SYNPR: variants seen among roughly 807,000 people sequenced by gnomAD.
SYNPR encodes synaptoporin.
In SYNPR, 23 loss-of-function variants were observed where a neutral mutation model predicts 32.9. The ratio of observed to expected loss-of-function variants is 0.70; its 90% confidence interval spans 0.50 to 0.99. The LOEUF (loss-of-function observed/expected upper bound fraction) is 0.99. Ranked by LOEUF, SYNPR falls within the 50% of genes least tolerant of loss-of-function variation. SYNPR has a pLI of 0.00. For missense variants in SYNPR, 318 were observed against 349.3 expected (o/e 0.91, Z 0.71); for synonymous variants, 146 against 135.9 (o/e 1.07, Z -0.52).
Position 63,298,326 on chromosome 3 carries a change from G to C in SYNPR, c.84+19584G>C, listed in dbSNP as rs1233053998. Among the ~76,000 whole-genome samples, 5 of 152,070 alleles carry C rather than the reference G, an allele frequency of 3.3e-5. No homozygotes were observed. The East Asian group carries it at 9.7e-4, about 29-fold the overall frequency. On this transcript the variant is annotated intron_variant, in intron 2 of 5. Coordinates refer to ENST00000478300, the MANE Select transcript of SYNPR (RefSeq NM_001130003.2). ...CATCTCTCCTTCAAATGAAATTTTC[G>C]AGATTGCCAAGTGATCTAGTTATAT...
At chr3:63,266,727 A>C (rs1452422309) in intron 2 of SYNPR, among the ~76,000 whole-genome samples, 1 of 144,474 alleles carries the variant, frequency 6.9e-6, no homozygotes, top group Non-Finnish European at 1.5e-5. Context: ...AACACAAAAA[A>C]CCACAAAAAT....
intron 2 of SYNPR, among the ~76,000 whole-genome samples, chr3:63,445,272 C>A (rs1345756991): frequency 1.3e-5 from 2 of 152,154 alleles, no homozygotes; most frequent in Non-Finnish European, 2.9e-5. Context: ...TTCCTCCAGT[C>A]TGTTAGTTTA....
chr3:63,357,956 A>T (rs1188900943), intron 2 of SYNPR, among the ~76,000 whole-genome samples: 1 of 152,218 alleles, frequency 6.6e-6, no homozygotes, highest in Non-Finnish European at 1.5e-5. Context: ...AAAAAGTTGT[A>T]CTAAAGAAAA....
intron 2 of SYNPR, among the ~76,000 whole-genome samples, chr3:63,321,399 T>C (rs1214998856): frequency 6.6e-6 from 1 of 152,006 alleles, no homozygotes; most frequent in African/African-American, 2.4e-5. Context: ...ATTGTGAGGG[T>C]CAAATATTCC....
intron 3 of SYNPR, among the ~76,000 whole-genome samples, chr3:63,498,783 AT>A (rs1201755415): frequency 1.3e-5 from 2 of 151,752 alleles, no homozygotes; most frequent in African/African-American, 4.8e-5. Context: ...AGGCGTGTGA[AT>A]TTTTTTCTAG....
the SYNPR span, among the ~76,000 whole-genome samples, chr3:63,220,720 C>T: frequency 2.0e-5 from 3 of 152,276 alleles, no homozygotes; most frequent in Non-Finnish European, 4.4e-5. Flanking sequence ...TTGCATTCCT[C>T]TCAGAGACAC....
intron 3 of SYNPR, among the ~76,000 whole-genome samples, chr3:63,268,701 T>C (rs59429307): frequency 6.5e-4 from 24 of 36,676 alleles, no homozygotes; most frequent in African/African-American, 4.1e-3. Flanking sequence ...TCTTGCTGTC[T>C]CAGGGGTGGT....
At chr3:63,555,098 T>A (rs1213936595) in intron 3 of SYNPR, among the ~76,000 whole-genome samples, 1 of 152,042 alleles carries the variant, frequency 6.6e-6, no homozygotes, top group Non-Finnish European at 1.5e-5. Context: ...TTATCAGTTT[T>A]AGTAGGCTTT....
At chr3:63,289,933 A>G (rs1034794346) in intron 2 of SYNPR, among the ~76,000 whole-genome samples, 1 of 151,978 alleles carries the variant, frequency 6.6e-6, no homozygotes, top group Non-Finnish European at 1.5e-5. Flanking sequence ...GATCGAGACC[A>G]TCCTGGCTAA....
At chr3:63,223,779 C>A (rs905641462), upstream of SYNPR, among the ~76,000 whole-genome samples, 1 of 152,216 alleles carries the variant, frequency 6.6e-6, no homozygotes, top group African/African-American at 2.4e-5. Flanking sequence ...CTCACTATGT[C>A]ATTTAACTTT....
At chr3:63,379,775 T>C (rs1320933161) in intron 2 of SYNPR, among the ~76,000 whole-genome samples, 1 of 152,138 alleles carries the variant, frequency 6.6e-6, no homozygotes, top group Non-Finnish European at 1.5e-5. Flanking sequence ...GCCATGTTGG[T>C]GTGCTGCACC....
chr3:63,231,091 C>A (rs1310403650), intron 1 of SYNPR, among the ~76,000 whole-genome samples: 2 of 152,096 alleles, frequency 1.3e-5, no homozygotes, highest in Non-Finnish European at 2.9e-5. Flanking sequence ...GATATGGAAC[C>A]AACCTAAGTG....
chr3:63,365,403 C>T (rs1440926428), intron 2 of SYNPR, among the ~76,000 whole-genome samples: 2 of 152,102 alleles, frequency 1.3e-5, no homozygotes, highest in African/African-American at 4.8e-5. Context: ...TTCAGCACTC[C>T]CACTCCAAAG....
chr3:63,339,527 T>C (rs1016288035), intron 2 of SYNPR, among the ~76,000 whole-genome samples: 1 of 152,202 alleles, frequency 6.6e-6, no homozygotes, highest in Non-Finnish European at 1.5e-5. Context: ...CTTTTTCAGA[T>C]TTCTCCAATT....
chr3:63,226,668 G>A (rs1575569674), upstream of SYNPR, among the ~76,000 whole-genome samples: 2 of 152,188 alleles, frequency 1.3e-5, no homozygotes, highest in East Asian at 3.8e-4. Context: ...CATGGAGACA[G>A]AGAATAGAAT....
At chr3:63,569,657 A>G (rs962086343) in intron 4 of SYNPR, among the ~76,000 whole-genome samples, 8 of 152,262 alleles carry the variant, frequency 5.3e-5, no homozygotes, top group Non-Finnish European at 1.0e-4. Flanking sequence ...GAATTTGCAT[A>G]GCCACGCAAG....
At chr3:63,333,962 G>A (rs2087257921) in intron 2 of SYNPR, among the ~76,000 whole-genome samples, 1 of 152,160 alleles carries the variant, frequency 6.6e-6, no homozygotes, top group African/African-American at 2.4e-5. Context: ...TGAAAAGATG[G>A]TCTATAGTAA....
At chr3:63,333,477 A>C (rs1344969727) in intron 2 of SYNPR, among the ~76,000 whole-genome samples, 1 of 152,246 alleles carries the variant, frequency 6.6e-6, no homozygotes, top group East Asian at 1.9e-4. Context: ...AGTGCAGTGA[A>C]GTGATCACAG....
chr3:63,561,011 T>G (rs1702679520), intron 4 of SYNPR, among the ~76,000 whole-genome samples: 1 of 152,244 alleles, frequency 6.6e-6, no homozygotes, highest in South Asian at 2.1e-4. Context: ...AAAAAATTTA[T>G]GTAATTTGTG....
Sources: gnomAD v4.1 joint callset for allele counts (sites outside exome capture counted in the v4.1 genomes callset) on GRCh38, gnomAD v4.1.1 for gene constraint, MANE v1.5 for transcripts, NCBI Gene and HGNC (gene_info 2026-07-23, HGNC 2026-07-21) for gene names.